The following C19orf67 variants were observed in gnomAD, a reference collection of about 807,000 sequenced individuals.
C19orf67 encodes UPF0575 protein C19orf67.
Under a neutral mutation model 41.4 loss-of-function variants are expected in C19orf67, and 28 were observed. The ratio of observed to expected loss-of-function variants is 0.68; its 90% CI spans 0.50 to 0.93. The LOEUF (loss-of-function observed/expected upper bound fraction) is 0.93. Among genes scored for constraint, C19orf67 ranks in the 40% least tolerant of loss-of-function variants. The pLI is 0.00. For synonymous variants in C19orf67, 242 were observed against 203.4 expected, an observed-to-expected ratio of 1.19 and a Z score of -1.62; for missense variants, 421 against 467.0, an observed-to-expected ratio of 0.90 and a Z score of 0.91.
chr19:14,082,012 G>T lies in C19orf67; in HGVS notation c.903-4C>A. Reference sequence around the variant, plus strand: ...AAGCGGCTGCGGGCACAAAATCCTGGGGTGGGGGGGCCAGGGATAGACAGG... The same window carrying T: ...AAGCGGCTGCGGGCACAAAATCCTGTGGTGGGGGGGCCAGGGATAGACAGG... On this transcript the variant is annotated splice_region_variant and splice_polypyrimidine_tract_variant and intron_variant, in intron 5 of 5. Transcript: ENST00000548523. 1 of 1,496,624 alleles carries T rather than the reference G, an allele frequency of 6.7e-7. No individual in the cohort carries two copies. Among genetic ancestry groups the T allele is most frequent in the South Asian group, 1.2e-5 (1 of 80,294 alleles). The allele number at this position is 1,496,624 out of a possible 1,614,324, so 92.7% of individuals were successfully genotyped here.
intron 5 of C19orf67, 115 bp downstream of exon 5, chr19:14,082,354 A>G: frequency 8.2e-7 from 1 of 1,218,440 alleles, no homozygotes; most frequent in Non-Finnish European, 1.1e-6. Context: ...AGGGCACAAT[A>G]AAATGCTATC....
chr19:14,082,378 G>T, intron 5 of C19orf67, 91 bp downstream of exon 5: 1 of 1,387,672 alleles, frequency 7.2e-7, no homozygotes, highest in Non-Finnish European at 9.6e-7. Flanking sequence ...ACTAAGGGAA[G>T]CAAAGTGTTT....
intron 4 of C19orf67, 103 bp downstream of exon 4, chr19:14,083,134 T>A: frequency 3.9e-6 from 4 of 1,022,944 alleles, no homozygotes; most frequent in East Asian, 2.7e-5. Context: ...AGCCACTGCC[T>A]CGGGCCCTGG....
chr19:14,083,852 G>GAGATCTACAC lies in C19orf67; in HGVS notation c.360_361insGTGTAGATCT (p.Leu121ValfsTer2). 1 of 1,376,720 alleles carries GAGATCTACAC rather than the reference G, an allele frequency of 7.3e-7. No homozygotes were observed. Among genetic ancestry groups the GAGATCTACAC allele is most frequent in the Non-Finnish European group, 9.4e-7 (1 of 1,064,788 alleles). 85.3% of individuals were successfully genotyped at this position (1,376,720 alleles called of 1,614,324 possible). A position where few individuals can be genotyped will look rare whatever the true frequency, so the allele number is the denominator to read the frequency against. ...AAGAAGGTGGGCATGGCCTTGGCCA[G>GAGATCTACAC]CTGCTCCTTCTGTACTTGGTCTCTG... On this transcript the variant is annotated stop_gained and frameshift_variant, in exon 2 of 6. Transcript: ENST00000548523. LOFTEE classifies it high-confidence loss of function.
In C19orf67 at chr19:14,082,645, T is replaced by C. The variant is rs543208027; in HGVS notation, c.768-42A>G. On this transcript the variant is annotated intron_variant, in intron 4 of 5. Transcript: ENST00000548523. ...CTGTAATTAGAAGTGATCAGCTTCC[T>C]AGCTACTTCTGTTGAGGGCTTTAAT... 113 of 1,515,492 alleles carry C rather than the reference T, an allele frequency of 7.5e-5. No homozygotes were observed. The African/African-American group carries it at 1.5e-3, about 20-fold the overall frequency. 93.9% of individuals were successfully genotyped at this position (1,515,492 alleles called of 1,614,324 possible).
In C19orf67 at chr19:14,081,999, G is replaced by C. The variant is rs772989718; in HGVS notation, c.912C>G (p.Cys304Trp). 2.7e-6 allele frequency: 4 copies of C among 1,471,102 alleles called. No homozygotes were observed. In the South Asian group the frequency reaches 3.7e-5, roughly 14 times the overall value. The allele number at this position is 1,471,102 out of a possible 1,614,324, so 91.1% of individuals were successfully genotyped here. Residue 304 changes from cysteine (C) to tryptophan (W), a missense_variant, in exon 6 of 6, where the codon TGC becomes TGG. Physicochemically the swap from Cys to Trp is radical, Grantham distance 215. Coordinates refer to ENST00000548523, the MANE Select transcript of C19orf67 (RefSeq NM_001277378.2). Reference protein sequence around the residue: ...AEDDLYSWILCPQPLGDYQQL... With the variant: ...AEDDLYSWILWPQPLGDYQQL... ...GCTGGTAGTCCCCAAGCGGCTGCGGGCACAAAATCCTGGGGTGGGGGGGCC... is the reference window on the plus strand; with the variant it reads ...GCTGGTAGTCCCCAAGCGGCTGCGGCCACAAAATCCTGGGGTGGGGGGGCC...
At chr19:14,084,566 C>T (rs1471475423) in intron 1 of C19orf67, among the ~76,000 whole-genome samples, 1 of 151,670 alleles carries the variant, frequency 6.6e-6, no homozygotes, top group African/African-American at 2.4e-5. Context: ...GGCGCGGTGG[C>T]TCACGTCTGT....
Position 14,081,999 on chromosome 19 carries a change from G to A in C19orf67, c.912C>T (p.Cys304=), listed in dbSNP as rs772989718. ...GCTGGTAGTCCCCAAGCGGCTGCGG[G>A]CACAAAATCCTGGGGTGGGGGGGCC... ...AEDDLYSWIL[C]PQPLGDYQQL... is the part of the protein sequence containing the mutation. Residue 304 remains cysteine (C), a synonymous_variant, in exon 6 of 6, where the codon TGC becomes TGT. Transcript: ENST00000548523. The A allele has an allele frequency of 1.4e-6, 2 of 1,471,116 alleles. No homozygotes were observed. Among genetic ancestry groups the A allele is most frequent in the Non-Finnish European group, 1.8e-6 (2 of 1,098,570 alleles). The allele number at this position is 1,471,116 out of a possible 1,614,324, so 91.1% of individuals were successfully genotyped here.
At chr19:14,085,242 C>A (rs1976834336) in intron 1 of C19orf67, 51 bp downstream of exon 1, 1 of 1,472,454 alleles carries the variant, frequency 6.8e-7, no homozygotes, top group Admixed American at 2.0e-5. Context: ...CCTGTCGCCT[C>A]CCCTCCAAGT....
Position 14,084,258 on chromosome 19 carries a change from G to T in C19orf67, c.336-381C>A, listed in dbSNP as rs190688602. 5.5e-3 allele frequency among the ~76,000 whole-genome samples: 838 copies of T among 152,142 alleles called. 2 individuals carry two copies. The highest frequency in any genetic ancestry group is 0.012 in the Admixed American group (189 of 15,256). On this transcript the variant is annotated intron_variant, in intron 1 of 5. Coordinates refer to ENST00000548523, the MANE Select transcript of C19orf67 (RefSeq NM_001277378.2). ...ACACAAAAATAATTAGCTGGGCATG[G>T]TGGCACCTGTAGTCCCAGTTACCCA...
intron 1 of C19orf67, among the ~76,000 whole-genome samples, chr19:14,084,957 G>T (rs137869715): frequency 1.3e-5 from 2 of 152,332 alleles, no homozygotes; most frequent in South Asian, 4.1e-4. Context: ...GTCTCAAACT[G>T]ATGTCCTGCA....
chr19:14,085,223 G>A, intron 1 of C19orf67, 70 bp downstream of exon 1: 1 of 1,324,276 alleles, frequency 7.6e-7, no homozygotes, highest in Non-Finnish European at 1.0e-6. Flanking sequence ...CCTGGTGTGT[G>A]TCACCCATCC....
At chr19:14,083,188 G>T in intron 4 of C19orf67, 49 bp downstream of exon 4, 1 of 1,462,874 alleles carries the variant, frequency 6.8e-7, no homozygotes, top group Non-Finnish European at 9.3e-7. Flanking sequence ...GGTCATATTG[G>T]CATTCATCAT....
intron 2 of C19orf67, 49 bp from the exon 3 acceptor site, chr19:14,083,654 G>A (rs1396720098): frequency 2.0e-6 from 3 of 1,525,370 alleles, no homozygotes; most frequent in Non-Finnish European, 2.6e-6. Context: ...TGCGAGGAGT[G>A]GGCCTCCCCC....
At chr19:14,084,123 C>G (rs78160802) in intron 1 of C19orf67, among the ~76,000 whole-genome samples, 2 of 152,216 alleles carry the variant, frequency 1.3e-5, no homozygotes, top group Non-Finnish European at 2.9e-5. Flanking sequence ...AGGGTCTGGG[C>G]GCAGTGGCTC....
At position 14,081,891 on chromosome 19, in the gene C19orf67, G is replaced by T. The variant is rs748787238; in HGVS notation, c.1020C>A (p.Gly340=). ...CGGCTGCGCTCGGAGGCCGGGCCTG[G>T]CCTGCCTGGCCCGTGAGGATCTGCA... ...LLVQILTGQA[G]QARPPSAAGP... The change falls in exon 6 of 6, where the codon GGC becomes GGA. Residue 340 remains glycine (G), a synonymous_variant. Transcript: ENST00000548523. 4.6e-6 allele frequency: 7 copies of T among 1,534,200 alleles called. No homozygotes were observed. In the South Asian group the frequency reaches 8.3e-5, roughly 18 times the overall value.
In C19orf67 at chr19:14,083,758, G is replaced by A; in HGVS notation, c.455C>T (p.Pro152Leu). ...AARSIPPIYGPLQELVRKGLL... is the reference protein window; with the variant it reads ...AARSIPPIYGLLQELVRKGLL... ...CCCCTTTCGGACCAGCTCCTGCAGG[G>A]GTCCATAGATGGGGGGTATGCTTCT... The change falls in exon 2 of 6, where the codon CCC (proline) becomes CTC (leucine). Residue 152 changes from proline (P) to leucine (L), a missense_variant. Coordinates refer to ENST00000548523, the MANE Select transcript of C19orf67 (RefSeq NM_001277378.2). 7.0e-7 allele frequency: 1 copy of A among 1,437,058 alleles called. No homozygotes were observed. Among genetic ancestry groups the A allele is most frequent in the South Asian group, 1.5e-5 (1 of 68,530 alleles). The allele number at this position is 1,437,058 out of a possible 1,614,324, so 89.0% of individuals were successfully genotyped here. A position where few individuals can be genotyped will look rare whatever the true frequency, so the allele number is the denominator to read the frequency against.
chr19:14,082,479 G>T lies in C19orf67; in HGVS notation c.892C>A (p.Leu298Ile). The change falls in exon 5 of 6, where the codon CTT (leucine) becomes ATT (isoleucine). Residue 298 changes from leucine (L) to isoleucine (I), a missense_variant. Transcript: ENST00000548523. ...WVPLGPAEDD[L>I]YSWILCPQPL... is the part of the protein sequence containing the mutation. ...TGCCCTAGCTCCTACCATGAATAAAGGTCATCCTCGGCTGGTCCTAGGGGC... is the reference window on the plus strand; with the variant it reads ...TGCCCTAGCTCCTACCATGAATAAATGTCATCCTCGGCTGGTCCTAGGGGC... The T allele has an allele frequency of 1.3e-6, 2 of 1,534,724 alleles. No individual in the cohort carries two copies. Among genetic ancestry groups the T allele is most frequent in the South Asian group, 2.4e-5 (2 of 83,934 alleles).
Position 14,085,522 on chromosome 19 carries a change from T to C in C19orf67, c.106A>G (p.Arg36Gly), listed in dbSNP as rs944582014. 2.6e-6 allele frequency: 4 copies of C among 1,535,302 alleles called. No individual in the cohort carries two copies. The African/African-American group carries it at 4.1e-5, about 16-fold the overall frequency. The change falls in exon 1 of 6, where the codon AGG (arginine) becomes GGG (glycine). Residue 36 changes from arginine to glycine, a missense_variant. Transcript: ENST00000548523. The stretch of plus-strand genomic sequence containing the variant: ...CCAGGCCTGCCAGGGGGCGTCGACC[T>C]GGAGGGGTCTCCGCAGGGCGGCGTC... ...PGTPPCGDPS[R>G]STPPGRPGNP...
Sources: allele counts gnomAD v4.1 joint callset (sites outside exome capture counted in the v4.1 genomes callset), GRCh38; gene constraint gnomAD v4.1.1; transcripts MANE v1.5; gene names NCBI Gene and HGNC (gene_info 2026-07-23, HGNC 2026-07-21).